Variants in NRP1 observed in about 807,000 individuals in gnomAD.
The protein encoded by NRP1 is neuropilin-1.
Under a neutral mutation model 106.7 loss-of-function variants are expected in NRP1, and 35 were observed. That is an observed-to-expected ratio of 0.33 (90% CI 0.25 to 0.43). NRP1 has a LOEUF of 0.43. Among genes scored for constraint, NRP1 ranks in the 20% least tolerant of loss-of-function variants. The pLI, the probability that NRP1 is intolerant of heterozygous loss-of-function variation, is 1.00. For missense variants in NRP1, 1,024 were observed against 1,170.4 expected (o/e 0.87, Z 1.83); for synonymous variants, 437 against 417.9 (o/e 1.05, Z -0.56).
intron 4 of NRP1, among the ~76,000 whole-genome samples, chr10:33,263,178 A>T (rs897949456): frequency 9.8e-5 from 15 of 152,306 alleles, no homozygotes; most frequent in African/African-American, 3.6e-4. Flanking sequence ...AGCATAACGG[A>T]TGCATAGTTT....
intron 9 of NRP1, among the ~76,000 whole-genome samples, chr10:33,209,692 G>A (rs2132770443): frequency 6.6e-6 from 1 of 152,262 alleles, no homozygotes; most frequent in South Asian, 2.1e-4. Context: ...GGCCAGGCTG[G>A]TCTCAAACTC....
chr10:33,278,142 T>C (rs1843849287), intron 2 of NRP1, among the ~76,000 whole-genome samples: 1 of 152,206 alleles, frequency 6.6e-6, no homozygotes, highest in South Asian at 2.1e-4. Context: ...AAGGTGATTT[T>C]TTTTTTCTGT....
intron 2 of NRP1, among the ~76,000 whole-genome samples, chr10:33,300,663 G>C (rs1480626735): frequency 6.6e-6 from 1 of 152,188 alleles, no homozygotes; most frequent in East Asian, 1.9e-4. Flanking sequence ...TCACCCCTCT[G>C]CTCACAGAGA....
intron 2 of NRP1, among the ~76,000 whole-genome samples, chr10:33,306,296 G>A (rs765236304): frequency 6.6e-6 from 1 of 151,964 alleles, no homozygotes; most frequent in Non-Finnish European, 1.5e-5. Flanking sequence ...TTAAACCACT[G>A]CCGGACTCTG....
chr10:33,254,967 A>G (rs1203704804), intron 5 of NRP1, among the ~76,000 whole-genome samples: 1 of 152,192 alleles, frequency 6.6e-6, no homozygotes, highest in Non-Finnish European at 1.5e-5. Context: ...GAAACATCAA[A>G]ATCTATATTC....
intron 8 of NRP1, among the ~76,000 whole-genome samples, chr10:33,217,881 G>C (rs545341907): frequency 2.0e-5 from 3 of 152,280 alleles, no homozygotes; most frequent in African/African-American, 7.2e-5. Context: ...TCTGTACTCA[G>C]CTTTAATGGA....
intron 2 of NRP1, among the ~76,000 whole-genome samples, chr10:33,310,301 T>A (rs531841423): frequency 8.1e-6 from 1 of 123,056 alleles, no homozygotes; most frequent in Admixed American, 9.1e-5. Flanking sequence ...CCCAGGCTAG[T>A]GTGCAATGGC....
rs1220409442 is a variant in NRP1 at position 33,178,097 on chromosome 10, ATTC to A, written c.*1976_*1978del. 1.3e-5 allele frequency: 2 copies of A among 152,506 alleles called. No individual in the cohort carries two copies. The highest frequency in any genetic ancestry group is 1.5e-5 in the Non-Finnish European group (1 of 68,002). The allele number at this position is 152,506 out of a possible 1,614,324, so 9.4% of individuals were successfully genotyped here. On this transcript the variant is annotated 3_prime_UTR_variant, in exon 17 of 17. Transcript: ENST00000374867. ...TGAATGTCTCTGGGGACAAAAAACT[ATTC>A]TTCTTTCATGGTGATCAATATTTTC...
intron 4 of NRP1, among the ~76,000 whole-genome samples, chr10:33,263,124 G>A (rs1361242836): frequency 6.6e-6 from 1 of 152,204 alleles, no homozygotes; most frequent in Non-Finnish European, 1.5e-5. Flanking sequence ...TCTAAATTAG[G>A]AATGCCCAAA....
chr10:33,180,932 AG>A (rs1237410335), intron 16 of NRP1, among the ~76,000 whole-genome samples: 1 of 152,272 alleles, frequency 6.6e-6, no homozygotes, highest in Non-Finnish European at 1.5e-5. Context: ...GTGATTTTTT[AG>A]AACAAGAGAA....
At chr10:33,203,244 A>G (rs1360187242) in intron 10 of NRP1, among the ~76,000 whole-genome samples, 1 of 152,206 alleles carries the variant, frequency 6.6e-6, no homozygotes, top group Non-Finnish European at 1.5e-5. Flanking sequence ...CATTTTATAC[A>G]TTGTTATCTA....
At chr10:33,198,817 C>T (rs189598050) in intron 11 of NRP1, among the ~76,000 whole-genome samples, 2 of 152,128 alleles carry the variant, frequency 1.3e-5, no homozygotes, top group East Asian at 1.9e-4. Flanking sequence ...GGACAAATAC[C>T]CTGCCCTGTA....
At chr10:33,297,443 T>G (rs1845480613) in intron 2 of NRP1, among the ~76,000 whole-genome samples, 1 of 152,162 alleles carries the variant, frequency 6.6e-6, no homozygotes, top group African/African-American at 2.4e-5. Flanking sequence ...CCCAGCAATT[T>G]GGGAAGCCAA....
intron 6 of NRP1, among the ~76,000 whole-genome samples, chr10:33,241,787 CG>C (rs1322468326): frequency 6.6e-6 from 1 of 151,890 alleles, no homozygotes; most frequent in Non-Finnish European, 1.5e-5. Flanking sequence ...AATCCTCTCA[CG>C]TTGCCATTAT....
intron 5 of NRP1, 103 bp from the exon 6 acceptor site, chr10:33,254,297 C>G (rs1842058262): frequency 9.4e-7 from 1 of 1,066,758 alleles, no homozygotes; most frequent in Non-Finnish European, 1.3e-6. Flanking sequence ...ATTCAAAATT[C>G]TTTAAAAAGA....
chr10:33,216,638 C>G (rs147925961), intron 8 of NRP1, among the ~76,000 whole-genome samples: 1 of 149,364 alleles, frequency 6.7e-6, no homozygotes. Flanking sequence ...TTTTTGGTCT[C>G]GCTATGTTGC....
At chr10:33,331,250 T>G (rs1848264852) in intron 1 of NRP1, among the ~76,000 whole-genome samples, 1 of 152,190 alleles carries the variant, frequency 6.6e-6, no homozygotes. Context: ...GTAATCACAT[T>G]AAGTAGCAAG....
chr10:33,313,525 A>G (rs1328455296), intron 2 of NRP1, among the ~76,000 whole-genome samples: 1 of 152,196 alleles, frequency 6.6e-6, no homozygotes, highest in African/African-American at 2.4e-5. Context: ...AAAAAAAAAG[A>G]CATCTTTGTA....
intron 6 of NRP1, among the ~76,000 whole-genome samples, chr10:33,248,153 G>A (rs1283950647): frequency 6.6e-6 from 1 of 152,144 alleles, no homozygotes; most frequent in Non-Finnish European, 1.5e-5. Context: ...ACCTGGGCTT[G>A]GTGGCACACG....
Sources: gnomAD v4.1 joint callset for allele counts (sites outside exome capture counted in the v4.1 genomes callset) on GRCh38, gnomAD v4.1.1 for gene constraint, MANE v1.5 for transcripts, NCBI Gene and HGNC (gene_info 2026-07-23, HGNC 2026-07-21) for gene names.